ZFHX3: variants seen among roughly 807,000 people sequenced by gnomAD.
The protein encoded by ZFHX3 is zinc finger homeobox 3, also known as zinc finger homeobox protein 3.
ZFHX3 carries 42 observed loss-of-function variants against 279.1 expected under a neutral mutation model. The ratio of observed to expected loss-of-function variants is 0.15; its 90% CI spans 0.12 to 0.19. The LOEUF is 0.19. Among genes scored for constraint, ZFHX3 ranks in the 10% least tolerant of loss-of-function variants. The probability of loss-of-function intolerance (pLI) is 1.00; values close to 1 mark genes in which losing one functional copy is unlikely to be tolerated. For synonymous variants in ZFHX3, 2,293 were observed against 1,957.8 expected, an observed-to-expected ratio of 1.17 and a Z score of -4.52; for missense variants, 4,981 against 4,754.0, an observed-to-expected ratio of 1.05 and a Z score of -1.40.
Position 72,788,108 on chromosome 16 carries a change from T to TAG in ZFHX3, c.10167_10168insCT (p.Lys3390LeufsTer96), listed in dbSNP as rs2035525765. The TAG allele has an allele frequency of 6.2e-7, 1 of 1,608,380 alleles. No individual in the cohort carries two copies. Among genetic ancestry groups the TAG allele is most frequent in the African/African-American group, 1.3e-5 (1 of 74,714 alleles). The stretch of plus-strand genomic sequence containing the variant: ...GCTTTGGGCTGCTGCTGCTGCACTT[T>TAG]TTGCTGCTGCTGCTGCTGTAGTTGC... On this transcript the variant is annotated frameshift_variant, in exon 10 of 10. Transcript: ENST00000268489. LOFTEE classifies it high-confidence loss of function.
intron 2 of ZFHX3, among the ~76,000 whole-genome samples, chr16:73,586,698 T>C (rs1380783966): frequency 6.6e-6 from 1 of 152,080 alleles, no homozygotes; most frequent in African/African-American, 2.4e-5. Flanking sequence ...TTTAACTCAT[T>C]TATGTTATTG....
chr16:73,287,983 C>A (rs1364106338), intron 4 of ZFHX3, among the ~76,000 whole-genome samples: 1 of 152,094 alleles, frequency 6.6e-6, no homozygotes, highest in Non-Finnish European at 1.5e-5. Context: ...CTTGCTGTCC[C>A]CTCCGTTCCT....
intron 2 of ZFHX3, among the ~76,000 whole-genome samples, chr16:73,624,452 G>A (rs966959993): frequency 1.1e-4 from 14 of 125,276 alleles, no homozygotes; most frequent in African/African-American, 3.5e-4. Flanking sequence ...GGAACAACCT[G>A]AGACCTAGAG....
At chr16:73,283,620 G>C (rs1321930376) in intron 4 of ZFHX3, among the ~76,000 whole-genome samples, 4 of 152,174 alleles carry the variant, frequency 2.6e-5, no homozygotes, top group Non-Finnish European at 4.4e-5. Context: ...AATGACACCT[G>C]CTGACTTAGT....
intron 4 of ZFHX3, among the ~76,000 whole-genome samples, chr16:72,850,623 G>A (rs2037592169): frequency 6.9e-6 from 1 of 144,864 alleles, no homozygotes; most frequent in African/African-American, 2.6e-5. Context: ...GTGATCACCA[G>A]GGCATTAACA....
intron 4 of ZFHX3, among the ~76,000 whole-genome samples, chr16:73,288,618 C>G (rs9924090): frequency 0.029 from 4,480 of 152,248 alleles, 143 homozygotes; most frequent in African/African-American, 0.083. Flanking sequence ...TTTAACGTTC[C>G]TGTTATCAAG....
rs1172623449 is a variant in ZFHX3, at chr16:72,784,266, AAAAC to A, written c.*2894_*2897del. ...AGTAGCTCCATGAAAAAAAAAAACA[AAAAC>A]AAAAACAAAAACCCAAACCATCAGG... On this transcript the variant is annotated 3_prime_UTR_variant, in exon 10 of 10. Transcript: ENST00000268489. 1 of 152,564 alleles carries A rather than the reference AAAAC, an allele frequency of 6.6e-6. No homozygotes were observed. The highest frequency in any genetic ancestry group is 1.5e-5 in the Non-Finnish European group (1 of 68,160). 9.5% of individuals were successfully genotyped at this position (152,564 alleles called of 1,614,324 possible).
intron 2 of ZFHX3, among the ~76,000 whole-genome samples, chr16:73,563,175 TGTGTGTGTGTG>T (rs2020398836): frequency 1.2e-4 from 1 of 8,472 alleles, no homozygotes; most frequent in African/African-American, 4.1e-4. Flanking sequence ...TTTTGTTGTG[TGTGTGTGTGTG>T]TGTGTGTGTG....
At chr16:73,167,940 A>G (rs1350114285) in intron 5 of ZFHX3, among the ~76,000 whole-genome samples, 1 of 152,256 alleles carries the variant, frequency 6.6e-6, no homozygotes, top group Non-Finnish European at 1.5e-5. Flanking sequence ...TCCCACTGTC[A>G]TCTTTGCTGA....
chr16:73,652,876 T>C (rs1414302770), intron 2 of ZFHX3, among the ~76,000 whole-genome samples: 1 of 152,128 alleles, frequency 6.6e-6, no homozygotes, highest in Non-Finnish European at 1.5e-5. Flanking sequence ...TTAACACTGA[T>C]TGCATTAAAC....
chr16:73,151,529 G>A (rs908851340), intron 5 of ZFHX3, among the ~76,000 whole-genome samples: 4 of 151,806 alleles, frequency 2.6e-5, no homozygotes, highest in Admixed American at 6.6e-5. Context: ...CCTCCTGCTC[G>A]GTGGGAAAGA....
chr16:73,340,937 A>T (rs1460639115), intron 3 of ZFHX3, among the ~76,000 whole-genome samples: 6 of 152,234 alleles, frequency 3.9e-5, no homozygotes, highest in Admixed American at 3.3e-4. Context: ...AAAAAATTGC[A>T]TGAAAAAAAC....
intron 4 of ZFHX3, among the ~76,000 whole-genome samples, chr16:72,857,656 G>C (rs1343539650): frequency 6.6e-6 from 1 of 152,182 alleles, no homozygotes; most frequent in East Asian, 1.9e-4. Flanking sequence ...CTGCACTCCA[G>C]CCTGGGTGAC....
chr16:73,625,436 C>T (rs748713679), intron 2 of ZFHX3, among the ~76,000 whole-genome samples: 1 of 152,178 alleles, frequency 6.6e-6, no homozygotes, highest in Non-Finnish European at 1.5e-5. Flanking sequence ...ATTCTGGGTG[C>T]CTTTCTCAAT....
intron 2 of ZFHX3, among the ~76,000 whole-genome samples, chr16:73,500,660 A>C (rs1160724684): frequency 8.3e-6 from 1 of 120,612 alleles, no homozygotes; most frequent in Non-Finnish European, 1.6e-5. Flanking sequence ...AAGTTTAAAG[A>C]GTTAAAAAAA....
At chr16:73,317,060 T>G (rs1390540652) in intron 4 of ZFHX3, among the ~76,000 whole-genome samples, 1 of 151,960 alleles carries the variant, frequency 6.6e-6, no homozygotes, top group Non-Finnish European at 1.5e-5. Context: ...GATGGGCAGG[T>G]CTAGGGTGAT....
At chr16:73,336,733 C>G (rs1365425576) in intron 3 of ZFHX3, among the ~76,000 whole-genome samples, 1 of 152,072 alleles carries the variant, frequency 6.6e-6, no homozygotes, top group Non-Finnish European at 1.5e-5. Context: ...ATCATTGAAG[C>G]CTCTTAACAA....
Position 72,952,695 on chromosome 16 carries a change from C to T in ZFHX3, c.2720-1730G>A, listed in dbSNP as rs1266163172. ...GCCGGGCGAAGATCTCTTCCTCCCTCTCCCACCCTGGTCTTTTTCAGTCCA... is the reference window on the plus strand; with the variant it reads ...GCCGGGCGAAGATCTCTTCCTCCCTTTCCCACCCTGGTCTTTTTCAGTCCA... On this transcript the variant is annotated intron_variant, in intron 2 of 9. Coordinates refer to ENST00000268489, the MANE Select transcript of ZFHX3 (RefSeq NM_006885.4). Among the ~76,000 whole-genome samples, 7 of 152,352 alleles carry T rather than the reference C, an allele frequency of 4.6e-5. No homozygotes were observed. The East Asian group carries it at 1.4e-3, about 29-fold the overall frequency.
At chr16:72,934,676 ACTCT>A (rs1960018042) in intron 3 of ZFHX3, among the ~76,000 whole-genome samples, 2 of 133,164 alleles carry the variant, frequency 1.5e-5, no homozygotes, top group Non-Finnish European at 3.1e-5. Flanking sequence ...CACCTTCATA[ACTCT>A]TGTGTCCGCA....
Sources: allele counts gnomAD v4.1 joint callset (sites outside exome capture counted in the v4.1 genomes callset), GRCh38; gene constraint gnomAD v4.1.1; transcripts MANE v1.5; gene names NCBI Gene and HGNC (gene_info 2026-07-23, HGNC 2026-07-21).